Variants in TRPS1 observed in about 807,000 individuals in gnomAD.
TRPS1 encodes the protein transcriptional repressor GATA binding 1, also known as zinc finger transcription factor Trps1.
In TRPS1, 6 loss-of-function variants were observed where a neutral mutation model predicts 101.2. The ratio of observed to expected loss-of-function variants is 0.06; its 90% CI spans 0.03 to 0.12. The LOEUF is 0.12. TRPS1 is among the 10% of genes least tolerant of loss of function. TRPS1 has a pLI of 1.00. For missense variants in TRPS1, 1,363 were observed against 1,567.0 expected (o/e 0.87, Z 2.20); for synonymous variants, 578 against 589.8 (o/e 0.98, Z 0.29).
At chr8:115,469,272 C>T (rs559442808) in intron 5 of TRPS1, among the ~76,000 whole-genome samples, 2 of 152,278 alleles carry the variant, frequency 1.3e-5, no homozygotes, top group East Asian at 3.9e-4. Flanking sequence ...CCTTGATCTG[C>T]AATATGTTTG....
intron 5 of TRPS1, among the ~76,000 whole-genome samples, chr8:115,493,849 T>C (rs975393050): frequency 1.3e-5 from 2 of 152,218 alleles, no homozygotes; most frequent in Admixed American, 1.3e-4. Flanking sequence ...AATATTTAAA[T>C]AGATGCGTAC....
chr8:115,515,749 A>G (rs890709950), intron 5 of TRPS1, among the ~76,000 whole-genome samples: 4 of 151,530 alleles, frequency 2.6e-5, no homozygotes, highest in African/African-American at 9.7e-5. Flanking sequence ...GTAAAATATG[A>G]TAAATAAGTT....
intron 1 of TRPS1, among the ~76,000 whole-genome samples, chr8:115,658,227 A>G (rs970404420): frequency 2.6e-5 from 4 of 152,094 alleles, no homozygotes; most frequent in Non-Finnish European, 5.9e-5. Context: ...CAAATGCCAA[A>G]TGAACTTACA....
chr8:115,432,428 C>T (rs977018903), intron 5 of TRPS1, among the ~76,000 whole-genome samples: 1 of 151,526 alleles, frequency 6.6e-6, no homozygotes, highest in African/African-American at 2.4e-5. Flanking sequence ...ATTTAATTAA[C>T]TTGTGTAGAT....
intron 5 of TRPS1, among the ~76,000 whole-genome samples, chr8:115,513,423 A>T (rs1170131399): frequency 6.6e-6 from 1 of 151,574 alleles, no homozygotes; most frequent in East Asian, 1.9e-4. Flanking sequence ...AGGTGCTCAT[A>T]CCTTAGGCTT....
At chr8:115,657,406 T>G (rs1811699658) in intron 1 of TRPS1, among the ~76,000 whole-genome samples, 1 of 152,110 alleles carries the variant, frequency 6.6e-6, no homozygotes, top group African/African-American at 2.4e-5. Flanking sequence ...AATCATTTAT[T>G]GAACTACACT....
At chr8:115,485,920 GAAGA>G (rs1814867356) in intron 5 of TRPS1, among the ~76,000 whole-genome samples, 1 of 152,176 alleles carries the variant, frequency 6.6e-6, no homozygotes, top group South Asian at 2.1e-4. Flanking sequence ...GAAATAAAAA[GAAGA>G]AATTAGTCAT....
intron 5 of TRPS1, among the ~76,000 whole-genome samples, chr8:115,503,002 G>A (rs891265080): frequency 6.6e-6 from 1 of 152,010 alleles, no homozygotes; most frequent in Non-Finnish European, 1.5e-5. Context: ...GGTGGCTCAC[G>A]CCTGTAATCC....
chr8:115,626,130 T>A (rs1416380559), intron 1 of TRPS1, among the ~76,000 whole-genome samples: 3 of 151,814 alleles, frequency 2.0e-5, no homozygotes, highest in Non-Finnish European at 4.4e-5. Context: ...TTTCTTTTGA[T>A]CAAAAGTCCC....
intron 5 of TRPS1, among the ~76,000 whole-genome samples, chr8:115,451,054 ATTC>A (rs1813858278): frequency 1.3e-5 from 2 of 152,332 alleles, no homozygotes; most frequent in African/African-American, 4.8e-5. Context: ...CCCCTTGCCT[ATTC>A]TTCTTCACAT....
chr8:115,656,015 T>C (rs889767901), intron 1 of TRPS1, among the ~76,000 whole-genome samples: 2 of 152,120 alleles, frequency 1.3e-5, no homozygotes, highest in African/African-American at 4.8e-5. Context: ...AAAATATTGT[T>C]AAATACACTC....
rs1310027662 is a variant in TRPS1 at position 115,629,417 on chromosome 8, A to G, written c.-121-5659T>C. Among the ~76,000 whole-genome samples the G allele has an allele frequency of 4.6e-5, 7 of 151,886 alleles. No homozygotes were observed. The East Asian group carries it at 1.3e-3, about 29-fold the overall frequency. ...AAGGGAACGGATAAAACATCTACATACAATAAAATCCCAGGTGTCCAAATT... is the reference window on the plus strand; with the variant it reads ...AAGGGAACGGATAAAACATCTACATGCAATAAAATCCCAGGTGTCCAAATT... On this transcript the variant is annotated intron_variant, in intron 1 of 6. Transcript: ENST00000395715.
chr8:115,660,654 G>A (rs1401392700), intron 1 of TRPS1, among the ~76,000 whole-genome samples: 1 of 151,512 alleles, frequency 6.6e-6, no homozygotes, highest in Non-Finnish European at 1.5e-5. Flanking sequence ...GTAAATACTT[G>A]TATATTTCCT....
chr8:115,494,346 A>G lies in TRPS1; in HGVS notation c.2701-75894T>C, dbSNP rs545418941. On this transcript the variant is annotated intron_variant, in intron 5 of 6. Coordinates refer to ENST00000395715, the MANE Select transcript of TRPS1 (RefSeq NM_014112.5). ...AAAGAATAGAAAACAGGCATTCATT[A>G]AAAATAGTATTATACTACCTGGCCA... Among the ~76,000 whole-genome samples, 6 of 152,352 alleles carry G rather than the reference A, an allele frequency of 3.9e-5. No homozygotes were observed. In the East Asian group the frequency reaches 9.6e-4, roughly 24 times the overall value.
intron 5 of TRPS1, among the ~76,000 whole-genome samples, chr8:115,529,872 TCA>T (rs1816089561): frequency 6.6e-6 from 1 of 152,080 alleles, no homozygotes; most frequent in South Asian, 2.1e-4. Context: ...AGGATGCTAA[TCA>T]CACAAAATAT....
chr8:115,516,969 A>AT (rs1479905688), intron 5 of TRPS1, among the ~76,000 whole-genome samples: 3 of 151,246 alleles, frequency 2.0e-5, no homozygotes, highest in African/African-American at 7.3e-5. Context: ...AATGCTCCTT[A>AT]TTTTTGCAAG....
chr8:115,424,731 GAAAC>G, intron 5 of TRPS1, among the ~76,000 whole-genome samples: 1 of 152,278 alleles, frequency 6.6e-6, no homozygotes, highest in South Asian at 2.1e-4. Context: ...AGTCACTTCA[GAAAC>G]AAATTAATAC....
At chr8:115,569,645 C>CT (rs1325876245) in intron 5 of TRPS1, among the ~76,000 whole-genome samples, 2 of 152,030 alleles carry the variant, frequency 1.3e-5, no homozygotes, top group South Asian at 2.1e-4. Context: ...ACTTTCTGGG[C>CT]TATATGCCTT....
At chr8:115,438,644 G>A (rs181062797) in intron 5 of TRPS1, among the ~76,000 whole-genome samples, 202 of 152,128 alleles carry the variant, frequency 1.3e-3, no homozygotes, top group Middle Eastern at 3.4e-3. Context: ...TCTAGATCTA[G>A]GATTTAAAGA....
Sources: allele counts gnomAD v4.1 joint callset (sites outside exome capture counted in the v4.1 genomes callset), GRCh38; gene constraint gnomAD v4.1.1; transcripts MANE v1.5; gene names NCBI Gene and HGNC (gene_info 2026-07-23, HGNC 2026-07-21).